IFT80: variants seen among roughly 807,000 people sequenced by gnomAD.
IFT80 encodes intraflagellar transport protein 80 homolog.
In IFT80, 79 loss-of-function variants were observed where a neutral mutation model predicts 107.9. That is an observed-to-expected ratio of 0.73 (90% CI 0.61 to 0.88). The LOEUF is 0.88. IFT80 is among the 40% of genes least tolerant of loss of function. The pLI, the probability that IFT80 is intolerant of heterozygous loss-of-function variation, is 0.00. For missense variants in IFT80, 797 were observed against 914.2 expected (o/e 0.87, Z 1.65); for synonymous variants, 299 against 300.9 (o/e 0.99, Z 0.07).
chr3:160,372,658 A>T (rs1270578295), intron 5 of IFT80, among the ~76,000 whole-genome samples: 1 of 152,230 alleles, frequency 6.6e-6, no homozygotes, highest in Non-Finnish European at 1.5e-5. Context: ...AAATGGGAAT[A>T]TCTATCTAAT....
chr3:160,283,809 C>T (rs1019857791), intron 13 of IFT80, among the ~76,000 whole-genome samples: 1 of 152,172 alleles, frequency 6.6e-6, no homozygotes, highest in Admixed American at 6.5e-5. Flanking sequence ...GAGGGGCTCC[C>T]CCACTTCATT....
rs535870220 is a variant in IFT80, at chr3:160,280,704, C to T, written c.1627G>A (p.Asp543Asn). 1.2e-6 allele frequency: 2 copies of T among 1,613,020 alleles called. No homozygotes were observed. Among genetic ancestry groups the T allele is most frequent in the East Asian group, 2.2e-5 (1 of 44,796 alleles). Residue 543 changes from aspartate to asparagine, a missense_variant, in exon 15 of 20, where the codon GAC becomes AAC. Asp to Asn is a conservative substitution (Grantham distance 23). Transcript: ENST00000326448. The stretch of plus-strand genomic sequence containing the variant: ...TCATATAATGTTTTAGGCAAAATGT[C>T]TCTGTCCACATAAACTGTATTGGGG... ...YYPNTVYVDR[D>N]ILPKTLYERD...
intron 19 of IFT80, among the ~76,000 whole-genome samples, chr3:160,264,813 T>C (rs368511616): frequency 1.3e-5 from 2 of 152,118 alleles, no homozygotes; most frequent in Non-Finnish European, 2.9e-5. Flanking sequence ...ATTTGCCCTA[T>C]GAAACCCTAA....
rs1462707815 is a variant in IFT80, at chr3:160,355,997, C to T, written c.777+16G>A. 8 of 1,613,690 alleles carry T rather than the reference C, an allele frequency of 5.0e-6. No individual in the cohort carries two copies. Among genetic ancestry groups the T allele is most frequent in the Non-Finnish European group, 5.9e-6 (7 of 1,179,730 alleles). ...TTATGACAGCACATCTGTGATTGCT[C>T]ACCACTATAACTTACCCCAGTTTTA... On this transcript the variant is annotated intron_variant, in intron 8 of 19. Coordinates refer to ENST00000326448, the MANE Select transcript of IFT80 (RefSeq NM_020800.3).
chr3:160,304,435 C>CTTTTTTT (rs869204306), intron 10 of IFT80, among the ~76,000 whole-genome samples: 11 of 129,182 alleles, frequency 8.5e-5, no homozygotes, highest in South Asian at 2.6e-4. Context: ...TTGATTTTTT[C>CTTTTTTT]TTTTTTTTTT....
intron 1 of IFT80, among the ~76,000 whole-genome samples, chr3:160,385,651 T>C (rs1239799180): frequency 1.3e-5 from 2 of 152,170 alleles, no homozygotes; most frequent in South Asian, 4.1e-4. Context: ...CTTAAGGTGA[T>C]TTCTGTTGAA....
intron 8 of IFT80, among the ~76,000 whole-genome samples, chr3:160,352,334 T>C (rs1434827436): frequency 2.0e-5 from 3 of 152,182 alleles, no homozygotes; most frequent in Admixed American, 6.5e-5. Context: ...TTAGAACAAG[T>C]CAGAAGAATA....
chr3:160,278,186 T>C (rs907693851), intron 16 of IFT80, among the ~76,000 whole-genome samples: 4 of 152,296 alleles, frequency 2.6e-5, no homozygotes, highest in African/African-American at 7.2e-5. Flanking sequence ...GCTGCAGATA[T>C]AAACAAGCAA....
intron 8 of IFT80, among the ~76,000 whole-genome samples, chr3:160,335,359 C>A (rs936185101): frequency 2.6e-5 from 4 of 151,710 alleles, no homozygotes; most frequent in Non-Finnish European, 4.4e-5. Flanking sequence ...GTAGCTGGGA[C>A]TACAGGCACC....
rs566492332 is a variant in IFT80, at chr3:160,300,193, T to C, written c.1315+690A>G. Among the ~76,000 whole-genome samples the C allele has an allele frequency of 1.2e-4, 18 of 152,240 alleles. No homozygotes were observed. In the South Asian group the frequency reaches 3.5e-3, roughly 30 times the overall value. ...TATCATTACCTGACAATTTATTATA[T>C]ATTTATTAAATTTTAATTTTTATTT... is the stretch of plus-strand genomic sequence containing the variant. On this transcript the variant is annotated intron_variant, in intron 12 of 19. Transcript: ENST00000326448.
intron 15 of IFT80, among the ~76,000 whole-genome samples, chr3:160,279,714 T>A (rs1215275643): frequency 6.6e-6 from 1 of 152,218 alleles, no homozygotes; most frequent in Non-Finnish European, 1.5e-5. Context: ...TTTATATAGC[T>A]TTAGCTTTTA....
rs1712131700 is a variant in IFT80, at chr3:160,377,675, A to G, written c.260-135T>C. 3 of 513,948 alleles carry G rather than the reference A, an allele frequency of 5.8e-6. No homozygotes were observed. The Admixed American group carries it at 1.1e-4, about 19-fold the overall frequency. 31.8% of individuals were successfully genotyped at this position (513,948 alleles called of 1,614,324 possible). On this transcript the variant is annotated intron_variant, in intron 3 of 19. Transcript: ENST00000326448. ...TAATTATTCTTAATATCACATATAAATCTATTGGAAAATAGGCACAAAAAC... is the reference window on the plus strand; with the variant it reads ...TAATTATTCTTAATATCACATATAAGTCTATTGGAAAATAGGCACAAAAAC...
rs926931037 is a variant in IFT80 at position 160,383,611 on chromosome 3, C to T, written c.37+953G>A. 69 of 947,668 alleles carry T rather than the reference C, an allele frequency of 7.3e-5. No homozygotes were observed. In the African/African-American group the frequency reaches 1.2e-3, roughly 16 times the overall value. 58.7% of individuals were successfully genotyped at this position (947,668 alleles called of 1,614,324 possible). ...ATGTCAAATTGCTACAAAAATTTCT[C>T]AGCCCTTACTTTCAATTTATTTACC... is the stretch of plus-strand genomic sequence containing the variant. On this transcript the variant is annotated intron_variant, in intron 2 of 19. Transcript: ENST00000326448.
intron 8 of IFT80, among the ~76,000 whole-genome samples, chr3:160,351,068 A>T (rs1043842756): frequency 9.2e-5 from 14 of 151,940 alleles, no homozygotes; most frequent in African/African-American, 3.1e-4. Flanking sequence ...GATATGCAAA[A>T]AAGAAGAAAA....
chr3:160,278,090 A>G (rs1239560604), intron 16 of IFT80, among the ~76,000 whole-genome samples: 2 of 152,206 alleles, frequency 1.3e-5, no homozygotes, highest in African/African-American at 4.8e-5. Context: ...AGGGTACAGA[A>G]GTCCTTTACG....
rs776969647 is a variant in IFT80, at chr3:160,280,730, T to A, written c.1601A>T (p.Tyr534Phe). The A allele has an allele frequency of 6.2e-7, 1 of 1,612,682 alleles. No homozygotes were observed. Among genetic ancestry groups the A allele is most frequent in the African/African-American group, 1.3e-5 (1 of 75,012 alleles). ...TCTGTCCACATAAACTGTATTGGGG[T>A]AATACCACACTATAAATCGAGTATC... ...LQDTRFIVWY[Y>F]PNTVYVDRDI... The change falls in exon 15 of 20, where the codon TAC becomes TTC. Residue 534 changes from tyrosine to phenylalanine, a missense_variant. By Grantham distance (22) the Tyr-to-Phe change is conservative. Coordinates refer to ENST00000326448, the MANE Select transcript of IFT80 (RefSeq NM_020800.3).
chr3:160,362,395 A>G (rs1721557181), intron 6 of IFT80, among the ~76,000 whole-genome samples: 2 of 152,232 alleles, frequency 1.3e-5, no homozygotes, highest in Non-Finnish European at 2.9e-5. Context: ...CCAACCAAAA[A>G]AAGTCCAGGA....
intron 8 of IFT80, among the ~76,000 whole-genome samples, chr3:160,354,497 A>C (rs1157630518): frequency 6.6e-6 from 1 of 151,868 alleles, no homozygotes; most frequent in East Asian, 1.9e-4. Context: ...AAAACACACC[A>C]AAAAAACTAG....
chr3:160,338,631 C>CAA (rs539462708), intron 8 of IFT80, among the ~76,000 whole-genome samples: 18 of 110,604 alleles, frequency 1.6e-4, no homozygotes, highest in South Asian at 9.9e-4. Flanking sequence ...GACCCTGTCT[C>CAA]AAAAAAAAAA....
Sources: gnomAD v4.1 joint callset for allele counts (sites outside exome capture counted in the v4.1 genomes callset) on GRCh38, gnomAD v4.1.1 for gene constraint, MANE v1.5 for transcripts, NCBI Gene and HGNC (gene_info 2026-07-23, HGNC 2026-07-21) for gene names.